The following HLTF variants were observed in gnomAD, a reference collection of about 807,000 sequenced individuals.
HLTF encodes DNA-dependent ATPase/E3 ubiquitin-protein ligase HLTF.
A neutral mutation model predicts 129.4 loss-of-function variants in HLTF; 127 were observed. The ratio of observed to expected loss-of-function variants is 0.98; its 90% CI spans 0.85 to 1.14. HLTF has a LOEUF of 1.14. Ranked by LOEUF, HLTF falls within the 50% of genes most tolerant of loss-of-function variation. The pLI is 0.00. For missense variants in HLTF, 1,139 were observed against 1,187.1 expected (o/e 0.96, Z 0.60); for synonymous variants, 332 against 388.8 (o/e 0.85, Z 1.72).
chr3:149,059,070 A>G (rs927114440), intron 13 of HLTF, among the ~76,000 whole-genome samples: 8 of 152,128 alleles, frequency 5.3e-5, no homozygotes, highest in Admixed American at 2.6e-4. Context: ...TTACTTCATT[A>G]TCCTCCTTTT....
chr3:149,063,107 T>G (rs1189508128), intron 10 of HLTF: 3 of 461,714 alleles, frequency 6.5e-6, no homozygotes, highest in Non-Finnish European at 1.3e-5. Flanking sequence ...TCACCCAGGC[T>G]GCAGTGCAGT....
intron 16 of HLTF, 53 bp from the exon 17 acceptor site, chr3:149,048,216 G>A (rs918899510): frequency 1.3e-5 from 19 of 1,456,680 alleles, no homozygotes; most frequent in Non-Finnish European, 1.8e-5. Flanking sequence ...TCCAGTAAGA[G>A]TATCTATTTG....
chr3:149,043,349 G>T (rs114493889), intron 18 of HLTF, among the ~76,000 whole-genome samples: 20 of 151,326 alleles, frequency 1.3e-4, no homozygotes, highest in Non-Finnish European at 2.5e-4. Flanking sequence ...TAAAAGATCA[G>T]AAATAAAATG....
rs758156939 is a variant in HLTF, at chr3:149,055,382, C to T, written c.1394G>A (p.Gly465Glu). Reference protein sequence around the residue: ...MLKKGACAVEGSKKTDVEERP... With the variant: ...MLKKGACAVEESKKTDVEERP... Reference sequence around the variant, plus strand: ...CTCCTCAACATCAGTTTTCTTTGACCCCTCCACTGCACAAGCTCCTAAAAA... The same window carrying T: ...CTCCTCAACATCAGTTTTCTTTGACTCCTCCACTGCACAAGCTCCTAAAAA... The change falls in exon 14 of 25, where the codon GGG becomes GAG. Residue 465 changes from glycine (G) to glutamate (E), a missense_variant. Coordinates refer to ENST00000310053, the MANE Select transcript of HLTF (RefSeq NM_003071.4). The T allele has an allele frequency of 6.2e-7, 1 of 1,612,878 alleles. No homozygotes were observed. The highest frequency in any genetic ancestry group is 8.5e-7 in the Non-Finnish European group (1 of 1,179,062).
At chr3:149,077,480 T>C (rs1015132910) in intron 2 of HLTF, among the ~76,000 whole-genome samples, 2 of 151,928 alleles carry the variant, frequency 1.3e-5, no homozygotes, top group African/African-American at 2.4e-5. Flanking sequence ...AAAACCTCCC[T>C]TGGGCGGATG....
At chr3:149,068,622 A>T (rs575378396) in intron 7 of HLTF, among the ~76,000 whole-genome samples, 1 of 152,286 alleles carries the variant, frequency 6.6e-6, no homozygotes, top group East Asian at 1.9e-4. Context: ...TTTAATCCTG[A>T]ACTCTTGATT....
At chr3:149,076,807 T>C (rs1021074203) in intron 2 of HLTF, among the ~76,000 whole-genome samples, 2 of 152,102 alleles carry the variant, frequency 1.3e-5, no homozygotes, top group African/African-American at 2.4e-5. Flanking sequence ...ACAAAAAAAC[T>C]AGATAAATTA....
chr3:149,044,395 T>C (rs1038037540), intron 18 of HLTF, among the ~76,000 whole-genome samples: 1 of 152,190 alleles, frequency 6.6e-6, no homozygotes, highest in East Asian at 1.9e-4. Flanking sequence ...ATCTTACTGA[T>C]ACTCAGCATT....
chr3:149,058,551 A>T (rs1198794662), intron 13 of HLTF, among the ~76,000 whole-genome samples: 5 of 152,194 alleles, frequency 3.3e-5, no homozygotes, highest in African/African-American at 4.8e-5. Context: ...TGTCAGTTAC[A>T]CTTAATACAC....
chr3:149,046,019 C>T, intron 18 of HLTF, 61 bp downstream of exon 18: 1 of 1,183,314 alleles, frequency 8.5e-7, no homozygotes, highest in South Asian at 1.4e-5. Context: ...TAATGTCATT[C>T]AGTGAATGGG....
rs112694673 is a variant in HLTF, at chr3:149,055,845, T to C, written c.1376-445A>G. Reference sequence around the variant, plus strand: ...GACCAACAGAATATAGCAGAGAAGATAGTATGTCACTTCTGAGATAGATTA... The same window carrying C: ...GACCAACAGAATATAGCAGAGAAGACAGTATGTCACTTCTGAGATAGATTA... On this transcript the variant is annotated intron_variant, in intron 13 of 24. Coordinates refer to ENST00000310053, the MANE Select transcript of HLTF (RefSeq NM_003071.4). Among the ~76,000 whole-genome samples, 236 of 152,336 alleles carry C rather than the reference T, an allele frequency of 1.5e-3. 3 individuals are homozygous for C. The highest frequency in any genetic ancestry group is 5.1e-3 in the African/African-American group (212 of 41,576).
intron 13 of HLTF, among the ~76,000 whole-genome samples, chr3:149,057,668 T>C (rs531680825): frequency 6.6e-6 from 1 of 152,158 alleles, no homozygotes; most frequent in African/African-American, 2.4e-5. Context: ...TACCTTATTG[T>C]ATATAATATT....
In HLTF at chr3:149,075,882, CT is replaced by C; in HGVS notation, c.393del (p.Val133Ter). 1 of 1,593,594 alleles carries C rather than the reference CT, an allele frequency of 6.3e-7. No individual in the cohort carries two copies. ...AACTAAATTCTGAAAGTACATTACC[CT>C]TCAATTTGTGCCAATTTGTTGTCCA... Reference protein sequence around the residue: ...YIMDNKLAQIEGVVPFGANNA... With the variant: ...YIMDNKLAQIXGVVPFGANNA... On this transcript the variant is annotated frameshift_variant and splice_region_variant, in exon 3 of 25. Coordinates refer to ENST00000310053, the MANE Select transcript of HLTF (RefSeq NM_003071.4). LOFTEE classifies it high-confidence loss of function.
rs747606780 is a variant in HLTF, at chr3:149,034,912, A to G, written c.2877+6T>C. 2 of 1,598,974 alleles carry G rather than the reference A, an allele frequency of 1.3e-6. No homozygotes were observed. Among genetic ancestry groups the G allele is most frequent in the Admixed American group, 3.3e-5 (2 of 59,964 alleles). ...TAGTCTTAAAATAGTTTGTTTAAAA[A>G]CTCACTTTTGTGATGATAACTTCTT... On this transcript the variant is annotated splice_donor_region_variant and intron_variant, in intron 24 of 24. Coordinates refer to ENST00000310053, the MANE Select transcript of HLTF (RefSeq NM_003071.4).
chr3:149,038,985 GT>G, intron 23 of HLTF, 63 bp downstream of exon 23: 3 of 975,224 alleles, frequency 3.1e-6, no homozygotes, highest in Non-Finnish European at 4.4e-6. Flanking sequence ...TTACCAAATA[GT>G]TTTTTGTCTT....
intron 20 of HLTF, 37 bp from the exon 21 acceptor site, chr3:149,040,193 C>G: frequency 1.3e-6 from 2 of 1,573,364 alleles, no homozygotes; most frequent in Non-Finnish European, 1.7e-6. Flanking sequence ...CAACACTTAA[C>G]AGAAGAACAA....
chr3:149,042,377 C>A, intron 18 of HLTF, 87 bp from the exon 19 acceptor site: 8 of 1,090,922 alleles, frequency 7.3e-6, no homozygotes, highest in East Asian at 2.6e-5. Flanking sequence ...TGGCATTTTT[C>A]TTTTCTTCTC....
chr3:149,054,101 A>G (rs1717224926), intron 14 of HLTF, among the ~76,000 whole-genome samples: 1 of 152,202 alleles, frequency 6.6e-6, no homozygotes, highest in East Asian at 1.9e-4. Context: ...AAAAGACTAT[A>G]AAGCCAAGAA....
intron 21 of HLTF, 82 bp downstream of exon 21, chr3:149,039,949 A>G: frequency 8.1e-7 from 1 of 1,234,030 alleles, no homozygotes; most frequent in Non-Finnish European, 1.1e-6. Flanking sequence ...ATGAAAGCAG[A>G]ATTACGATTT....
Sources: allele counts gnomAD v4.1 joint callset (sites outside exome capture counted in the v4.1 genomes callset), GRCh38; gene constraint gnomAD v4.1.1; transcripts MANE v1.5; gene names NCBI Gene and HGNC (gene_info 2026-07-23, HGNC 2026-07-21).